TEAD1: variants seen among roughly 807,000 people sequenced by gnomAD.
The protein encoded by TEAD1 is transcriptional enhancer factor TEF-1.
A neutral mutation model predicts 54.9 loss-of-function variants in TEAD1; 9 were observed. The observed-to-expected ratio is 0.16, with a 90% confidence interval of 0.10 to 0.29. The LOEUF is 0.29. TEAD1 is among the 10% of genes least tolerant of loss of function. The pLI, the probability that TEAD1 is intolerant of heterozygous loss-of-function variation, is 1.00. For synonymous variants in TEAD1, 200 were observed against 187.8 expected (o/e 1.07, Z -0.53); for missense variants, 387 against 535.9 (o/e 0.72, Z 2.74).
intron 2 of TEAD1, among the ~76,000 whole-genome samples, chr11:12,723,757 G>A (rs1255074028): frequency 6.6e-6 from 1 of 152,150 alleles, no homozygotes. Context: ...ACAGAGTGAG[G>A]ATAAAGAAAA....
intron 9 of TEAD1, among the ~76,000 whole-genome samples, chr11:12,893,682 C>T (rs1166841267): frequency 6.6e-6 from 1 of 151,972 alleles, no homozygotes; most frequent in African/African-American, 2.4e-5. Context: ...AGAGATGGTG[C>T]TGGGAGTGGG....
At chr11:12,826,119 T>G (rs1946649964) in intron 3 of TEAD1, among the ~76,000 whole-genome samples, 1 of 152,214 alleles carries the variant, frequency 6.6e-6, no homozygotes, top group African/African-American at 2.4e-5. Flanking sequence ...CAAAGAGTTC[T>G]TAGATATTAA....
chr11:12,900,814 G>A (rs1436077265), intron 9 of TEAD1, among the ~76,000 whole-genome samples: 1 of 152,180 alleles, frequency 6.6e-6, no homozygotes, highest in Non-Finnish European at 1.5e-5. Flanking sequence ...TGGAATGTGA[G>A]CAGACTTGGA....
intron 2 of TEAD1, among the ~76,000 whole-genome samples, chr11:12,689,893 T>C (rs1943417384): frequency 6.6e-6 from 1 of 151,902 alleles, no homozygotes; most frequent in Admixed American, 6.6e-5. Context: ...TATGACTCTT[T>C]TTAAAAAAAA....
intron 3 of TEAD1, among the ~76,000 whole-genome samples, chr11:12,811,695 C>T (rs975181050): frequency 2.0e-5 from 3 of 152,088 alleles, no homozygotes; most frequent in Non-Finnish European, 4.4e-5. Context: ...CAGAGAGGAA[C>T]AGTGGGTTGG....
chr11:12,750,227 TCGA>T (rs1410229078), intron 2 of TEAD1, among the ~76,000 whole-genome samples: 3 of 152,164 alleles, frequency 2.0e-5, no homozygotes, highest in Non-Finnish European at 1.5e-5. Flanking sequence ...CATGTTGGGC[TCGA>T]GTGTGACCCT....
chr11:12,789,608 C>G (rs1945752350), intron 3 of TEAD1, among the ~76,000 whole-genome samples: 1 of 152,202 alleles, frequency 6.6e-6, no homozygotes, highest in Non-Finnish European at 1.5e-5. Flanking sequence ...GTGAGTGTGC[C>G]TTTACACCCG....
intron 2 of TEAD1, among the ~76,000 whole-genome samples, chr11:12,759,726 G>T (rs1286191659): frequency 1.3e-5 from 2 of 152,180 alleles, no homozygotes; most frequent in Non-Finnish European, 2.9e-5. Context: ...GCTGAGCGTG[G>T]TGGTGAATGC....
intron 2 of TEAD1, among the ~76,000 whole-genome samples, chr11:12,678,812 T>C (rs1168446092): frequency 6.6e-6 from 1 of 152,230 alleles, no homozygotes; most frequent in Non-Finnish European, 1.5e-5. Context: ...ATGAGCTTCG[T>C]GGTCCATATT....
chr11:12,823,161 A>G (rs186623091), intron 3 of TEAD1, among the ~76,000 whole-genome samples: 1 of 152,354 alleles, frequency 6.6e-6, no homozygotes, highest in East Asian at 1.9e-4. Context: ...TAATCAGGCT[A>G]TCCCCCTCAG....
intron 6 of TEAD1, 113 bp downstream of exon 6, chr11:12,879,955 GC>G (rs1564974665): frequency 4.0e-6 from 6 of 1,498,928 alleles, no homozygotes; most frequent in Non-Finnish European, 2.7e-6. Flanking sequence ...ATGTGAGAGG[GC>G]AAAGGCTACC....
At chr11:12,875,434 A>G (rs1019756227) in intron 5 of TEAD1, among the ~76,000 whole-genome samples, 5 of 152,168 alleles carry the variant, frequency 3.3e-5, no homozygotes, top group Admixed American at 2.0e-4. Flanking sequence ...CATTCTTTCA[A>G]ATTCCCGTTT....
rs1253077809 is a variant in TEAD1, at chr11:12,753,945, C to T, written c.-54-10234C>T. ...TGGTGGGGTCAATTTTTATTTTTTTCGTATGGCTATCAATCAACCTGGCTC... is the reference window on the plus strand; with the variant it reads ...TGGTGGGGTCAATTTTTATTTTTTTTGTATGGCTATCAATCAACCTGGCTC... On this transcript the variant is annotated intron_variant, in intron 2 of 12. Transcript: ENST00000527636. Among the ~76,000 whole-genome samples, 7 of 151,922 alleles carry T rather than the reference C, an allele frequency of 4.6e-5. No homozygotes were observed. In the South Asian group the frequency reaches 6.2e-4, roughly 14 times the overall value.
At chr11:12,842,066 AAAAACAAAAC>A (rs200649965) in intron 3 of TEAD1, among the ~76,000 whole-genome samples, 5 of 152,172 alleles carry the variant, frequency 3.3e-5, no homozygotes, top group South Asian at 2.1e-4. Flanking sequence ...AGCAGAGGAA[AAAAACAAAAC>A]AAAACAAAAC....
chr11:12,676,307 A>G (rs566121658), intron 2 of TEAD1, among the ~76,000 whole-genome samples: 1 of 152,342 alleles, frequency 6.6e-6, no homozygotes, highest in Non-Finnish European at 1.5e-5. Flanking sequence ...GGTTGCCTGC[A>G]ATGGTTACCT....
At chr11:12,749,899 C>G (rs971280939) in intron 2 of TEAD1, among the ~76,000 whole-genome samples, 6 of 152,220 alleles carry the variant, frequency 3.9e-5, no homozygotes, top group East Asian at 1.9e-4. Context: ...AACCAAGGAC[C>G]AGGTTTACAT....
At chr11:12,789,613 C>T (rs1386648283) in intron 3 of TEAD1, among the ~76,000 whole-genome samples, 1 of 152,218 alleles carries the variant, frequency 6.6e-6, no homozygotes, top group Non-Finnish European at 1.5e-5. Context: ...TGTGCCTTTA[C>T]ACCCGACATC....
At chr11:12,701,913 G>A (rs1027885179) in intron 2 of TEAD1, among the ~76,000 whole-genome samples, 1 of 152,202 alleles carries the variant, frequency 6.6e-6, no homozygotes, top group African/African-American at 2.4e-5. Context: ...TATCCAAAGA[G>A]TGGCAGGATT....
At chr11:12,877,795 C>T (rs1192351682) in intron 5 of TEAD1, among the ~76,000 whole-genome samples, 1 of 118,250 alleles carries the variant, frequency 8.5e-6, no homozygotes, top group Non-Finnish European at 1.7e-5. Flanking sequence ...TTCCTTTTCT[C>T]CTTCATTCTT....
Sources: allele counts gnomAD v4.1 joint callset (sites outside exome capture counted in the v4.1 genomes callset), GRCh38; gene constraint gnomAD v4.1.1; transcripts MANE v1.5; gene names NCBI Gene and HGNC (gene_info 2026-07-23, HGNC 2026-07-21).